Variants in PROS1 observed in about 807,000 individuals in gnomAD.
The protein encoded by PROS1 is vitamin K-dependent protein S.
In PROS1, 29 loss-of-function variants were observed where a neutral mutation model predicts 75.9. The ratio of observed to expected loss-of-function variants is 0.38; its 90% confidence interval spans 0.28 to 0.52. PROS1 has a LOEUF of 0.52. Ranked by LOEUF, PROS1 falls within the 20% of genes least tolerant of loss-of-function variation. The probability of loss-of-function intolerance (pLI) is 0.83; values close to 1 mark genes in which losing one functional copy is unlikely to be tolerated. For synonymous variants in PROS1, 245 were observed against 280.6 expected, an observed-to-expected ratio of 0.87 and a Z score of 1.27; for missense variants, 680 against 810.3, an observed-to-expected ratio of 0.84 and a Z score of 1.95.
chr3:93,912,984 C>A (rs1169861464), intron 3 of PROS1, among the ~76,000 whole-genome samples: 1 of 152,176 alleles, frequency 6.6e-6, no homozygotes, highest in Non-Finnish European at 1.5e-5. Flanking sequence ...CATTCCATCT[C>A]AGTAGTCCTG....
intron 4 of PROS1, among the ~76,000 whole-genome samples, chr3:93,909,954 T>A (rs567548029): frequency 6.6e-6 from 1 of 152,306 alleles, no homozygotes; most frequent in South Asian, 2.1e-4. Flanking sequence ...TCATTAAATA[T>A]ACGTATTCAG....
At chr3:93,958,104 T>C (rs760095118) in intron 1 of PROS1, among the ~76,000 whole-genome samples, 1 of 151,610 alleles carries the variant, frequency 6.6e-6, no homozygotes, top group Non-Finnish European at 1.5e-5. Context: ...ATAATAATAA[T>C]AAAATAAAAT....
At chr3:93,956,884 C>A (rs1340337981) in intron 1 of PROS1, among the ~76,000 whole-genome samples, 1 of 151,960 alleles carries the variant, frequency 6.6e-6, no homozygotes, top group African/African-American at 2.4e-5. Flanking sequence ...TTAAATCTAC[C>A]TTCAAAAGCA....
At chr3:93,964,455 T>C (rs1709757017) in intron 1 of PROS1, among the ~76,000 whole-genome samples, 1 of 152,138 alleles carries the variant, frequency 6.6e-6, no homozygotes, top group South Asian at 2.1e-4. Flanking sequence ...AGGACTGAGA[T>C]ACACCCTGGT....
rs529787601 is a variant in PROS1, at chr3:93,970,849, T to C, written c.76+2825A>G. On this transcript the variant is annotated intron_variant, in intron 1 of 14. Coordinates refer to ENST00000394236, the MANE Select transcript of PROS1 (RefSeq NM_000313.4). ...TAAATGTTTTTCTTTAAATCACAAC[T>C]ATAAGCCAGCCATGGTGGTGCATAC... is the stretch of plus-strand genomic sequence containing the variant. Among the ~76,000 whole-genome samples, 12 of 152,266 alleles carry C rather than the reference T, an allele frequency of 7.9e-5. No homozygotes were observed. In the South Asian group the frequency reaches 2.5e-3, roughly 32 times the overall value.
rs536944947 is a variant in PROS1 at position 93,927,301 on chromosome 3, T to C, written c.183A>G (p.Glu61=). The change falls in exon 2 of 15, where the codon GAA becomes GAG. Residue 61 remains glutamate (E), a synonymous_variant. Coordinates refer to ENST00000394236, the MANE Select transcript of PROS1 (RefSeq NM_000313.4). ...CCCTGGCTTCTTCTTTATTGCACAG[T>C]TCTTCGATGCATTCTCTTTCAAGAT... ...QGNLERECIE[E]LCNKEEAREV... 5 of 1,613,470 alleles carry C rather than the reference T, an allele frequency of 3.1e-6. No homozygotes were observed. Among genetic ancestry groups the C allele is most frequent in the Non-Finnish European group, 4.2e-6 (5 of 1,180,018 alleles).
In PROS1 at chr3:93,884,746, G is replaced by C; in HGVS notation, c.1474C>G (p.Gln492Glu). 6.2e-7 allele frequency: 1 copy of C among 1,613,538 alleles called. No individual in the cohort carries two copies. Among genetic ancestry groups the C allele is most frequent in the Non-Finnish European group, 8.5e-7 (1 of 1,179,712 alleles). ...CACTTACTATAATCTATGTGAAATT[G>C]AGCAATTCCAGAACCAGGATAGTAG... ...GSYYPGSGIA[Q>E]FHIDYNNVSS... Residue 492 changes from glutamine (Q) to glutamate (E), a missense_variant, in exon 12 of 15, where the codon CAA (glutamine) becomes GAA (glutamate). Transcript: ENST00000394236.
intron 7 of PROS1, among the ~76,000 whole-genome samples, chr3:93,898,868 A>G (rs1708542951): frequency 6.6e-6 from 1 of 152,120 alleles, no homozygotes; most frequent in Non-Finnish European, 1.5e-5. Context: ...GAAAAAAAAG[A>G]TTGAGAATCT....
chr3:93,880,781 C>T (rs1038356447), intron 12 of PROS1, among the ~76,000 whole-genome samples: 1 of 152,240 alleles, frequency 6.6e-6, no homozygotes, highest in Non-Finnish European at 1.5e-5. Flanking sequence ...AGATCACTTA[C>T]AAATTATCCA....
At chr3:93,876,366 A>ATCGCAAGG (rs1576171632) in intron 14 of PROS1, among the ~76,000 whole-genome samples, 1 of 152,142 alleles carries the variant, frequency 6.6e-6, no homozygotes, top group African/African-American at 2.4e-5. Context: ...AGGCGAGCGG[A>ATCGCAAGG]TCGCAAGGTC....
At chr3:93,947,746 T>G (rs111481874) in intron 1 of PROS1, among the ~76,000 whole-genome samples, 2,701 of 152,076 alleles carry the variant, frequency 0.018, 62 homozygotes, top group African/African-American at 0.055. Flanking sequence ...TTTTTGTATT[T>G]TTAGTAGAGA....
At chr3:93,897,606 A>T (rs1448001754) in intron 8 of PROS1, among the ~76,000 whole-genome samples, 7 of 152,094 alleles carry the variant, frequency 4.6e-5, no homozygotes, top group Non-Finnish European at 7.4e-5. Flanking sequence ...ATTACCAAGT[A>T]GGTTGCATAT....
chr3:93,927,622 G>GTATAATAATTT (rs1709039782), intron 1 of PROS1, among the ~76,000 whole-genome samples: 1 of 151,676 alleles, frequency 6.6e-6, no homozygotes, highest in Non-Finnish European at 1.5e-5. Flanking sequence ...CTTGTATGAT[G>GTATAATAATTT]GTCTACACAA....
rs886058929 is a variant in PROS1 at position 93,973,865 on chromosome 3, G to A, written c.-116C>T. 3 of 813,644 alleles carry A rather than the reference G, an allele frequency of 3.7e-6. No homozygotes were observed. Among genetic ancestry groups the A allele is most frequent in the African/African-American group, 1.8e-5 (1 of 54,814 alleles). The allele number at this position is 813,644 out of a possible 1,614,324, so 50.4% of individuals were successfully genotyped here. ...CTCGGTCTGAGCCGTGCTGCGCGGC[G>A]GCGCCAGCGACCCAGCGAGCCTCGG... On this transcript the variant is annotated 5_prime_UTR_variant, in exon 1 of 15. Coordinates refer to ENST00000394236, the MANE Select transcript of PROS1 (RefSeq NM_000313.4).
chr3:93,875,375 T>G (rs898345970), intron 14 of PROS1, among the ~76,000 whole-genome samples: 3 of 152,032 alleles, frequency 2.0e-5, no homozygotes, highest in Non-Finnish European at 2.9e-5. Context: ...AATATTTAGC[T>G]CCTCTCAAAT....
rs187405865 is a variant in PROS1 at position 93,884,593 on chromosome 3, A to G, written c.1492+135T>C. 376 of 1,006,932 alleles carry G rather than the reference A, an allele frequency of 3.7e-4. 1 individual carries two copies. The African/African-American group carries it at 5.6e-3, about 15-fold the overall frequency. 62.4% of individuals were successfully genotyped at this position (1,006,932 alleles called of 1,614,324 possible). On this transcript the variant is annotated intron_variant, in intron 12 of 14. Transcript: ENST00000394236. ...AAAATTTTTGTAAAAGGTATATAATAGTATGAATAAGCATAAGACTAGAGT... is the reference window on the plus strand; with the variant it reads ...AAAATTTTTGTAAAAGGTATATAATGGTATGAATAAGCATAAGACTAGAGT...
intron 1 of PROS1, among the ~76,000 whole-genome samples, chr3:93,950,569 T>G (rs1471562458): frequency 6.6e-6 from 1 of 152,110 alleles, no homozygotes; most frequent in Non-Finnish European, 1.5e-5. Context: ...CCCAGGAAAA[T>G]AGGGCCTGGA....
At chr3:93,945,009 C>G (rs1043628674) in intron 1 of PROS1, among the ~76,000 whole-genome samples, 3 of 152,104 alleles carry the variant, frequency 2.0e-5, no homozygotes, top group Non-Finnish European at 2.9e-5. Flanking sequence ...CACAGAAATA[C>G]AAACTACCAT....
intron 1 of PROS1, among the ~76,000 whole-genome samples, chr3:93,956,554 AC>A (rs1278013111): frequency 1.4e-3 from 104 of 74,850 alleles, no homozygotes; most frequent in African/African-American, 3.9e-3. Context: ...ACACACACAC[AC>A]ACACACAAAC....
Sources: allele counts gnomAD v4.1 joint callset (sites outside exome capture counted in the v4.1 genomes callset), GRCh38; gene constraint gnomAD v4.1.1; transcripts MANE v1.5; gene names NCBI Gene and HGNC (gene_info 2026-07-23, HGNC 2026-07-21).